The following COL4A1 variants were observed in gnomAD, a reference collection of about 807,000 sequenced individuals.
The protein encoded by COL4A1 is collagen type IV alpha 1 chain.
Under a neutral mutation model 216.6 loss-of-function variants are expected in COL4A1, and 40 were observed. The observed-to-expected ratio is 0.18, with a 90% CI of 0.14 to 0.24. The LOEUF (loss-of-function observed/expected upper bound fraction) is 0.24. COL4A1 is among the 10% of genes least tolerant of loss of function. The pLI is 1.00. For synonymous variants in COL4A1, 839 were observed against 810.7 expected (o/e 1.03, Z -0.59); for missense variants, 1,628 against 2,196.8 (o/e 0.74, Z 5.18).
At chr13:110,165,607 C>T (rs1877302771) in intron 45 of COL4A1, among the ~76,000 whole-genome samples, 1 of 151,822 alleles carries the variant, frequency 6.6e-6, no homozygotes, top group African/African-American at 2.4e-5. Flanking sequence ...CACACACCCT[C>T]CCTCCCCTCT....
intron 2 of COL4A1, among the ~76,000 whole-genome samples, chr13:110,241,342 C>T (rs1881558979): frequency 6.6e-6 from 1 of 152,222 alleles, no homozygotes; most frequent in East Asian, 1.9e-4. Flanking sequence ...TCCAGCCCTG[C>T]TGCTTTCAAA....
chr13:110,236,970 T>C (rs1264274023), intron 2 of COL4A1, among the ~76,000 whole-genome samples: 1 of 152,176 alleles, frequency 6.6e-6, no homozygotes, highest in African/African-American at 2.4e-5. Flanking sequence ...GGGCTCGCTG[T>C]GGGTTAGTTG....
intron 2 of COL4A1, among the ~76,000 whole-genome samples, chr13:110,225,600 T>C (rs1200125157): frequency 6.6e-6 from 1 of 151,934 alleles, no homozygotes; most frequent in Non-Finnish European, 1.5e-5. Flanking sequence ...AATAAATAAA[T>C]AAACAAAAAT....
At chr13:110,273,869 A>G (rs1883340491) in intron 1 of COL4A1, among the ~76,000 whole-genome samples, 1 of 152,178 alleles carries the variant, frequency 6.6e-6, no homozygotes, top group Admixed American at 6.5e-5. Context: ...AGAGCATTAC[A>G]ACTGAGACAC....
chr13:110,216,219 G>A (rs1880067493), intron 2 of COL4A1, among the ~76,000 whole-genome samples: 1 of 152,174 alleles, frequency 6.6e-6, no homozygotes, highest in Non-Finnish European at 1.5e-5. Flanking sequence ...AGTGAGGAAG[G>A]AAAAACATTC....
chr13:110,296,312 G>C (rs949646800), intron 1 of COL4A1, among the ~76,000 whole-genome samples: 2 of 152,142 alleles, frequency 1.3e-5, no homozygotes, highest in Non-Finnish European at 2.9e-5. Flanking sequence ...GTGCCCTCAA[G>C]AATTATGCAC....
At chr13:110,175,183 G>A in intron 37 of COL4A1, 35 bp downstream of exon 37, 1 of 1,613,674 alleles carries the variant, frequency 6.2e-7, no homozygotes, top group Non-Finnish European at 8.5e-7. Flanking sequence ...ACTGAGCTGG[G>A]AGAAGGGGAC....
intron 2 of COL4A1, among the ~76,000 whole-genome samples, chr13:110,238,423 T>A (rs888474579): frequency 1.3e-5 from 2 of 152,250 alleles, no homozygotes; most frequent in Admixed American, 1.3e-4. Context: ...AATTAACATG[T>A]GTCTTCACAT....
rs1323381261 is a variant in COL4A1, at chr13:110,238,820, T to A, written c.144+3855A>T. On this transcript the variant is annotated intron_variant, in intron 2 of 51. Coordinates refer to ENST00000375820, the MANE Select transcript of COL4A1 (RefSeq NM_001845.6). ...ACATAAATGGTTAATTTCCTTAGCA[T>A]ATAGCAGTAACTTCTGGGAATGTGT... is the stretch of plus-strand genomic sequence containing the variant. 3.3e-5 allele frequency among the ~76,000 whole-genome samples: 5 copies of A among 152,240 alleles called. No homozygotes were observed. In the East Asian group the frequency reaches 5.8e-4, roughly 18 times the overall value.
chr13:110,192,818 T>G lies in COL4A1; in HGVS notation c.1465+12A>C. 6.2e-7 allele frequency: 1 copy of G among 1,611,778 alleles called. No homozygotes were observed. Among genetic ancestry groups the G allele is most frequent in the Non-Finnish European group, 8.5e-7 (1 of 1,177,974 alleles). On this transcript the variant is annotated intron_variant, in intron 23 of 51. Transcript: ENST00000375820. ...AAACTCTGACCTGGTCCTTTTCACA[T>G]GTGGGTCTTACCTATTTCTCCCGGG...
chr13:110,303,815 C>T (rs886237621), intron 1 of COL4A1, among the ~76,000 whole-genome samples: 1 of 152,216 alleles, frequency 6.6e-6, no homozygotes, highest in African/African-American at 2.4e-5. Context: ...GTCCCTGCCG[C>T]ATGGCCAGCA....
chr13:110,280,672 T>G (rs903368051), intron 1 of COL4A1, among the ~76,000 whole-genome samples: 5 of 152,234 alleles, frequency 3.3e-5, no homozygotes, highest in Non-Finnish European at 5.9e-5. Context: ...GTTGGTTTTA[T>G]AAGTGGCCTC....
chr13:110,245,727 C>A (rs1881773323), intron 1 of COL4A1, among the ~76,000 whole-genome samples: 1 of 152,152 alleles, frequency 6.6e-6, no homozygotes, highest in Non-Finnish European at 1.5e-5. Flanking sequence ...CCTGGGACTG[C>A]AGATAAGAGG....
At chr13:110,231,093 C>T (rs1881037246) in intron 2 of COL4A1, among the ~76,000 whole-genome samples, 1 of 152,244 alleles carries the variant, frequency 6.6e-6, no homozygotes, top group Non-Finnish European at 1.5e-5. Context: ...CAGAAAAACA[C>T]ACAGCATTTC....
intron 1 of COL4A1, among the ~76,000 whole-genome samples, chr13:110,278,357 C>G (rs907772499): frequency 3.3e-5 from 5 of 152,142 alleles, no homozygotes; most frequent in Admixed American, 6.5e-5. Flanking sequence ...GCCTTCCTAG[C>G]CTTATCATTC....
chr13:110,194,995 C>G, intron 22 of COL4A1, 28 bp downstream of exon 22: 1 of 1,593,860 alleles, frequency 6.3e-7, no homozygotes, highest in Non-Finnish European at 8.6e-7. Context: ...GACACAACCA[C>G]CATTTTAAAA....
intron 30 of COL4A1, 74 bp from the exon 31 acceptor site, chr13:110,179,110 C>A: frequency 1.0e-5 from 16 of 1,531,582 alleles, no homozygotes; most frequent in Non-Finnish European, 1.3e-5. Flanking sequence ...CCCATGCACA[C>A]GAATGGCCCC....
At chr13:110,267,584 C>T (rs1883091506) in intron 1 of COL4A1, among the ~76,000 whole-genome samples, 1 of 152,108 alleles carries the variant, frequency 6.6e-6, no homozygotes, top group Non-Finnish European at 1.5e-5. Flanking sequence ...ATCCAAGCAC[C>T]CAAAACAGGG....
intron 10 of COL4A1, 124 bp downstream of exon 10, chr13:110,209,856 G>T (rs766570289): frequency 1.7e-6 from 2 of 1,193,886 alleles, no homozygotes; most frequent in Non-Finnish European, 2.5e-6. Flanking sequence ...AGCTGATTCC[G>T]CCATGTCCAA....
Sources: allele counts gnomAD v4.1 joint callset (sites outside exome capture counted in the v4.1 genomes callset), GRCh38; gene constraint gnomAD v4.1.1; transcripts MANE v1.5; gene names NCBI Gene and HGNC (gene_info 2026-07-23, HGNC 2026-07-21).